FRMD6: variants seen among roughly 807,000 people sequenced by gnomAD.
FRMD6 encodes FERM domain-containing protein 6.
FRMD6 carries 37 observed loss-of-function variants against 73.2 expected under a neutral mutation model. The ratio of observed to expected loss-of-function variants is 0.51; its 90% CI spans 0.39 to 0.66. The LOEUF (loss-of-function observed/expected upper bound fraction) is 0.66. FRMD6 is among the 30% of genes least tolerant of loss of function. The pLI is 0.00. For synonymous variants in FRMD6, 273 were observed against 282.2 expected (o/e 0.97, Z 0.33); for missense variants, 714 against 780.5 (o/e 0.91, Z 1.02).
chr14:51,426,685 G>C, the FRMD6 span, among the ~76,000 whole-genome samples: 1 of 152,208 alleles, frequency 6.6e-6, no homozygotes, highest in African/African-American at 2.4e-5. Flanking sequence ...GATGGGGGGA[G>C]TGGAACAGAG....
chr14:51,405,609 GTCT>G, the FRMD6 span, among the ~76,000 whole-genome samples: 2 of 151,850 alleles, frequency 1.3e-5, no homozygotes, highest in African/African-American at 4.8e-5. Context: ...CCGCATGTAT[GTCT>G]TCTTTTGAAA....
intron 6 of FRMD6, 148 bp downstream of exon 6, chr14:51,705,083 G>A (rs540552825): frequency 1.4e-5 from 9 of 664,822 alleles, no homozygotes; most frequent in African/African-American, 9.1e-5. Flanking sequence ...GCTTAAGAAC[G>A]TGGTGCACAT....
At chr14:51,587,278 TA>T (rs1489982703) in intron 2 of FRMD6, among the ~76,000 whole-genome samples, 1 of 152,178 alleles carries the variant, frequency 6.6e-6, no homozygotes, top group East Asian at 1.9e-4. Flanking sequence ...TACCTGCAGC[TA>T]AATTTTAGTA....
At chr14:51,423,364 C>T in the FRMD6 span, among the ~76,000 whole-genome samples, 1 of 152,208 alleles carries the variant, frequency 6.6e-6, no homozygotes, top group Admixed American at 6.5e-5. Context: ...CCTTCCAGGC[C>T]TGAAAGTCCC....
At chr14:51,625,993 T>A (rs764250381) in intron 2 of FRMD6, among the ~76,000 whole-genome samples, 18 of 152,236 alleles carry the variant, frequency 1.2e-4, no homozygotes, top group Non-Finnish European at 2.4e-4. Flanking sequence ...AGACGCTCAA[T>A]AAATGTTGAA....
chr14:51,573,073 C>T (rs552595932), intron 2 of FRMD6, among the ~76,000 whole-genome samples: 1 of 152,308 alleles, frequency 6.6e-6, no homozygotes, highest in South Asian at 2.1e-4. Flanking sequence ...GTTCTTCAGA[C>T]ACAGCTGAGA....
chr14:51,429,056 AGAG>A, the FRMD6 span, among the ~76,000 whole-genome samples: 23,407 of 135,290 alleles, frequency 0.17, 2,370 homozygotes, highest in South Asian at 0.3. Context: ...AGGGAAGAGA[AGAG>A]GAGAAGAGAA....
intron 1 of FRMD6, among the ~76,000 whole-genome samples, chr14:51,497,236 T>A (rs991948013): frequency 6.9e-6 from 1 of 144,964 alleles, no homozygotes; most frequent in Non-Finnish European, 1.5e-5. Context: ...TGAAATAACT[T>A]TTTTTTTTTT....
chr14:51,473,740 C>T, the FRMD6 span, among the ~76,000 whole-genome samples: 1 of 152,158 alleles, frequency 6.6e-6, no homozygotes, highest in African/African-American at 2.4e-5. Flanking sequence ...CAGCCACACC[C>T]TTGAGGCAGG....
chr14:51,622,146 AG>A (rs1254734813), intron 2 of FRMD6, among the ~76,000 whole-genome samples: 5 of 152,192 alleles, frequency 3.3e-5, no homozygotes, highest in Non-Finnish European at 7.3e-5. Flanking sequence ...GGAGTGGCTA[AG>A]ACTTGTAGGA....
chr14:51,494,017 G>T (rs1021172732), intron 1 of FRMD6, among the ~76,000 whole-genome samples: 1 of 152,130 alleles, frequency 6.6e-6, no homozygotes, highest in South Asian at 2.1e-4. Flanking sequence ...GCTAGTGGGG[G>T]TTCTTTTTAA....
chr14:51,659,092 T>A (rs1020115450), intron 1 of FRMD6, among the ~76,000 whole-genome samples: 1 of 152,138 alleles, frequency 6.6e-6, no homozygotes, highest in Non-Finnish European at 1.5e-5. Context: ...TAGTAAAATA[T>A]AATGATAGGA....
Position 51,715,417 on chromosome 14 carries a change from G to A in FRMD6, c.942G>A (p.Leu314=). The change falls in exon 10 of 14, where the codon CTG becomes CTA. Residue 314 remains leucine, a synonymous_variant. Coordinates refer to ENST00000344768, the MANE Select transcript of FRMD6 (RefSeq NM_001267046.2). The stretch of plus-strand genomic sequence containing the variant: ...GCCCCATGCGCTCCAGACACCTCCT[G>A]CAACTTCTGAGCAACAGCCACCGCC... The part of the protein sequence containing the change: ...TGCPMRSRHL[L]QLLSNSHRLY... The A allele has an allele frequency of 6.2e-7, 1 of 1,613,844 alleles. No homozygotes were observed.
At chr14:51,456,967 G>T in the FRMD6 span, among the ~76,000 whole-genome samples, 485 of 152,220 alleles carry the variant, frequency 3.2e-3, 3 homozygotes, top group African/African-American at 0.011. Flanking sequence ...GTAGAATGGT[G>T]GTTACTAGAG....
intron 13 of FRMD6, among the ~76,000 whole-genome samples, chr14:51,726,844 T>A (rs1277948457): frequency 6.6e-6 from 1 of 152,216 alleles, no homozygotes; most frequent in African/African-American, 2.4e-5. Context: ...AAAACATGCT[T>A]CTGGAACTTT....
At chr14:51,661,029 C>T (rs1893186954) in intron 1 of FRMD6, among the ~76,000 whole-genome samples, 3 of 152,112 alleles carry the variant, frequency 2.0e-5, no homozygotes, top group Admixed American at 2.0e-4. Context: ...ACATGTTTGG[C>T]TTGTGTGGAC....
intron 2 of FRMD6, 162 bp from the exon 3 acceptor site, chr14:51,697,980 A>AC (rs1896055303): frequency 9.2e-6 from 5 of 540,688 alleles, no homozygotes; most frequent in Admixed American, 3.3e-5. Context: ...TTACTGAAAC[A>AC]CAACCCCAGG....
At chr14:51,539,245 ATT>A (rs1886075454) in intron 1 of FRMD6, among the ~76,000 whole-genome samples, 1 of 151,306 alleles carries the variant, frequency 6.6e-6, no homozygotes, top group Non-Finnish European at 1.5e-5. Context: ...CTAGTTAACT[ATT>A]TTTCACCTCT....
intron 1 of FRMD6, among the ~76,000 whole-genome samples, chr14:51,491,014 T>C (rs1253574361): frequency 6.6e-6 from 1 of 152,138 alleles, no homozygotes; most frequent in Non-Finnish European, 1.5e-5. Flanking sequence ...CCAAATACCT[T>C]CTCTGCCCTG....
Sources: gnomAD v4.1 joint callset for allele counts (sites outside exome capture counted in the v4.1 genomes callset) on GRCh38, gnomAD v4.1.1 for gene constraint, MANE v1.5 for transcripts, NCBI Gene and HGNC (gene_info 2026-07-23, HGNC 2026-07-21) for gene names.